ITGB3: variants seen among roughly 807,000 people sequenced by gnomAD.
ITGB3 encodes the protein integrin beta-3.
A neutral mutation model predicts 85.8 loss-of-function variants in ITGB3; 48 were observed. That is an observed-to-expected ratio of 0.56 (90% CI 0.44 to 0.71). ITGB3 has a LOEUF of 0.71. ITGB3 is among the 30% of genes least tolerant of loss of function. The probability of loss-of-function intolerance (pLI) is 0.00; values close to 1 mark genes in which losing one functional copy is unlikely to be tolerated. For missense variants in ITGB3, 861 were observed against 1,019.1 expected, an observed-to-expected ratio of 0.84 and a Z score of 2.11; for synonymous variants, 363 against 395.6, an observed-to-expected ratio of 0.92 and a Z score of 0.98.
In ITGB3 at chr17:47,253,877, C is replaced by T. The variant is rs752525603; in HGVS notation, c.16C>T (p.Arg6Trp). 70 of 1,253,906 alleles carry T rather than the reference C, an allele frequency of 5.6e-5. No homozygotes were observed. The highest frequency in any genetic ancestry group is 3.0e-4 in the Middle Eastern group (1 of 3,370). The allele number at this position is 1,253,906 out of a possible 1,614,324, so 77.7% of individuals were successfully genotyped here. A position where few individuals can be genotyped will look rare whatever the true frequency, so the allele number is the denominator to read the frequency against. MRARP[R>W]PRPLWATVLA... ...GGCGGACGAGATGCGAGCGCGGCCG[C>T]GGCCCCGGCCGCTCTGGGCGACTGT... The change falls in exon 1 of 15, where the codon CGG (arginine) becomes TGG (tryptophan). Residue 6 changes from arginine to tryptophan, a missense_variant. Transcript: ENST00000559488.
chr17:47,271,362 T>C (rs2065043591), intron 1 of ITGB3, among the ~76,000 whole-genome samples: 1 of 152,190 alleles, frequency 6.6e-6, no homozygotes, highest in African/African-American at 2.4e-5. Context: ...TACACAAATA[T>C]AAAGGGAATA....
chr17:47,263,575 C>T (rs1322450374), intron 1 of ITGB3, among the ~76,000 whole-genome samples: 3 of 149,792 alleles, frequency 2.0e-5, no homozygotes, highest in Non-Finnish European at 3.0e-5. Flanking sequence ...CTGCAAACTC[C>T]GCCTCCCATG....
chr17:47,278,410 G>A (rs1032756195), intron 2 of ITGB3, among the ~76,000 whole-genome samples: 5 of 152,062 alleles, frequency 3.3e-5, no homozygotes, highest in Admixed American at 1.3e-4. Context: ...GCAAAACCCC[G>A]TCTCTACTAA....
At chr17:47,266,816 A>G (rs1003853250) in intron 1 of ITGB3, among the ~76,000 whole-genome samples, 1 of 152,158 alleles carries the variant, frequency 6.6e-6, no homozygotes, top group Non-Finnish European at 1.5e-5. Context: ...TACTGGGCTC[A>G]AGCAATCCTC....
chr17:47,299,296 G>T lies in ITGB3; in HGVS notation c.1691-12G>T. 6.2e-7 allele frequency: 1 copy of T among 1,613,226 alleles called. No individual in the cohort carries two copies. The highest frequency in any genetic ancestry group is 8.5e-7 in the Non-Finnish European group (1 of 1,179,898). On this transcript the variant is annotated splice_polypyrimidine_tract_variant and intron_variant, in intron 10 of 14. Transcript: ENST00000559488. The surrounding 1 kb of genome is among the most constrained non-coding windows in gnomAD (Gnocchi z 5.1). ...GCCAGCGGGTCCACCTTCCTGGGCT[G>T]TGTGTTTTCAGGCCATGGCCAGTGC...
chr17:47,264,018 A>G (rs2065017513), intron 1 of ITGB3, among the ~76,000 whole-genome samples: 1 of 152,240 alleles, frequency 6.6e-6, no homozygotes, highest in African/African-American at 2.4e-5. Context: ...TTGGGGGTTT[A>G]TAATGAAAGT....
chr17:47,302,671 T>C (rs1327925959), intron 12 of ITGB3, 50 bp from the exon 13 acceptor site: 2 of 1,612,076 alleles, frequency 1.2e-6, no homozygotes, highest in East Asian at 4.5e-5. Context: ...AGTGGTCCCA[T>C]CTTCCAGTAG....
chr17:47,272,048 C>T (rs1329664014), intron 1 of ITGB3, among the ~76,000 whole-genome samples: 3 of 150,342 alleles, frequency 2.0e-5, no homozygotes, highest in African/African-American at 7.3e-5. Context: ...AGCCGCCTCA[C>T]CGGGGCTATT....
rs1567770862 is a variant in ITGB3, at chr17:47,307,516, T to A, written c.2180T>A (p.Met727Lys). The stretch of plus-strand genomic sequence containing the variant: ...ATCCTGGTGGTCCTGCTCTCAGTGA[T>A]GGGGGCCATTCTGCTCATTGGCCTT... The part of the protein sequence containing the change: ...PDILVVLLSV[M>K]GAILLIGLAA... Residue 727 changes from methionine to lysine, a missense_variant, in exon 14 of 15, where the codon ATG becomes AAG. By Grantham distance (95) the Met-to-Lys change is moderately conservative. Transcript: ENST00000559488. 2 of 1,614,192 alleles carry A rather than the reference T, an allele frequency of 1.2e-6. No homozygotes were observed. Among genetic ancestry groups the A allele is most frequent in the Admixed American group, 3.3e-5 (2 of 60,020 alleles).
intron 13 of ITGB3, among the ~76,000 whole-genome samples, chr17:47,306,149 G>A (rs1029709205): frequency 1.3e-5 from 2 of 152,226 alleles, no homozygotes; most frequent in Non-Finnish European, 2.9e-5. Flanking sequence ...CTAGGAGAGA[G>A]AAGGGAGAGT....
At chr17:47,265,195 G>A (rs2065021137) in intron 1 of ITGB3, among the ~76,000 whole-genome samples, 1 of 152,238 alleles carries the variant, frequency 6.6e-6, no homozygotes, top group Non-Finnish European at 1.5e-5. Flanking sequence ...TTCATTTCAT[G>A]CTGGCTTTTT....
At chr17:47,259,479 CT>C (rs757718052) in intron 1 of ITGB3, 7 of 152,098 alleles carry the variant, frequency 4.6e-5, no homozygotes, top group Non-Finnish European at 5.9e-5. Context: ...ACTTACCCCC[CT>C]CTCTCGGTTT....
intron 1 of ITGB3, among the ~76,000 whole-genome samples, chr17:47,272,696 TTTCC>T (rs763571423): frequency 3.6e-4 from 42 of 116,328 alleles, no homozygotes; most frequent in African/African-American, 1.1e-3. Context: ...TCTTTCTTTC[TTTCC>T]TTCTTTCTTT....
In ITGB3 at chr17:47,311,039, T is replaced by C. The variant is rs2065212784; in HGVS notation, c.*835T>C. On this transcript the variant is annotated 3_prime_UTR_variant, in exon 15 of 15. Coordinates refer to ENST00000559488, the MANE Select transcript of ITGB3 (RefSeq NM_000212.3). ...GTGTGTCACCCTTAGGCCAGCACCA[T>C]CTCTTTACCTCCTAATTCCACACCC... 1 of 153,260 alleles carries C rather than the reference T, an allele frequency of 6.5e-6. No homozygotes were observed. The highest frequency in any genetic ancestry group is 1.5e-5 in the Non-Finnish European group (1 of 68,536). 9.5% of individuals were successfully genotyped at this position (153,260 alleles called of 1,614,324 possible).
rs189780895 is a variant in ITGB3 at position 47,312,985 on chromosome 17, T to A, written c.*2781T>A. Among the ~76,000 whole-genome samples, 289 of 152,308 alleles carry A rather than the reference T, an allele frequency of 1.9e-3. No homozygotes were observed. Among genetic ancestry groups the A allele is most frequent in the African/African-American group, 6.5e-3 (272 of 41,560 alleles). On this transcript the variant is annotated 3_prime_UTR_variant, in exon 15 of 15. Coordinates refer to ENST00000559488, the MANE Select transcript of ITGB3 (RefSeq NM_000212.3). ...CCCAGGTCATCCATGATTTTTTTTT[T>A]AATTTGAGACAAAGCCTCACTCTTG... is the stretch of plus-strand genomic sequence containing the variant.
chr17:47,290,359 TTG>T, intron 8 of ITGB3, 85 bp downstream of exon 8: 2 of 1,149,398 alleles, frequency 1.7e-6, no homozygotes, highest in Admixed American at 3.4e-5. Context: ...TGAGTCCCAG[TTG>T]CCAGTCTACC....
At chr17:47,291,341 G>T in intron 9 of ITGB3, 1 of 603,678 alleles carries the variant, frequency 1.7e-6, no homozygotes, top group Non-Finnish European at 2.9e-6. Flanking sequence ...TTACAATTTG[G>T]TTACCTTTGT....
intron 1 of ITGB3, among the ~76,000 whole-genome samples, chr17:47,265,208 C>A (rs1232655773): frequency 6.6e-6 from 1 of 152,020 alleles, no homozygotes; most frequent in Admixed American, 6.5e-5. Flanking sequence ...GGCTTTTTTT[C>A]AATCATGCAA....
At position 47,292,504 on chromosome 17, in the gene ITGB3, C is replaced by T; in HGVS notation, c.1626C>T (p.Ile542=). The T allele has an allele frequency of 1.9e-6, 3 of 1,608,472 alleles. No individual in the cohort carries two copies. Among genetic ancestry groups the T allele is most frequent in the Non-Finnish European group, 2.5e-6 (3 of 1,179,554 alleles). The part of the protein sequence containing the change: ...CVCHSSDFGK[I]TGKYCECDDF... ...GCCACAGCAGTGACTTTGGCAAGAT[C>T]ACGGGCAAGTACTGCGAGTGTGACG... The change falls in exon 10 of 15, where the codon ATC becomes ATT. Residue 542 remains isoleucine (I), a synonymous_variant. Transcript: ENST00000559488.
Sources: gnomAD v4.1 joint callset for allele counts (sites outside exome capture counted in the v4.1 genomes callset) on GRCh38, gnomAD v4.1.1 for gene constraint, Gnocchi (gnomAD v3.1) non-coding constraint, MANE v1.5 for transcripts, NCBI Gene and HGNC (gene_info 2026-07-23, HGNC 2026-07-21) for gene names.